KCTD8: variants seen among roughly 807,000 people sequenced by gnomAD.
KCTD8 encodes the protein BTB/POZ domain-containing protein KCTD8.
In KCTD8, 27 loss-of-function variants were observed where a neutral mutation model predicts 31.5. That is an observed-to-expected ratio of 0.86 (90% CI 0.63 to 1.18). The LOEUF is 1.18. Among genes scored for constraint, KCTD8 ranks in the 50% most tolerant of loss-of-function variants. KCTD8 has a pLI of 0.00. For missense variants in KCTD8, 658 were observed against 647.7 expected (o/e 1.02, Z -0.17); for synonymous variants, 290 against 280.0 (o/e 1.04, Z -0.36).
At chr4:44,383,720 A>G (rs549703066) in intron 1 of KCTD8, among the ~76,000 whole-genome samples, 8 of 152,160 alleles carry the variant, frequency 5.3e-5, no homozygotes, top group African/African-American at 1.9e-4. Context: ...AACTACTGGA[A>G]AAAAACACAC....
At chr4:44,198,104 G>C (rs1197893758) in intron 1 of KCTD8, among the ~76,000 whole-genome samples, 2 of 151,870 alleles carry the variant, frequency 1.3e-5, no homozygotes, top group Admixed American at 6.6e-5. Context: ...CAAAAGTAAA[G>C]AAAAATGAAT....
intron 1 of KCTD8, among the ~76,000 whole-genome samples, chr4:44,440,019 C>A (rs975544551): frequency 6.6e-6 from 1 of 151,632 alleles, no homozygotes; most frequent in African/African-American, 2.4e-5. Flanking sequence ...GCAACCTCTG[C>A]CTCCTGGGTT....
intron 1 of KCTD8, among the ~76,000 whole-genome samples, chr4:44,234,050 AC>A (rs1237124987): frequency 6.6e-6 from 1 of 152,206 alleles, no homozygotes; most frequent in African/African-American, 2.4e-5. Flanking sequence ...ACAATTATGC[AC>A]AGCCCTTATC....
intron 1 of KCTD8, among the ~76,000 whole-genome samples, chr4:44,259,785 G>A (rs1716107457): frequency 6.6e-6 from 1 of 151,820 alleles, no homozygotes; most frequent in Non-Finnish European, 1.5e-5. Context: ...GTGTTGATGT[G>A]AGTGAGCAAA....
At chr4:44,424,579 C>G (rs1157657381) in intron 1 of KCTD8, among the ~76,000 whole-genome samples, 1 of 152,028 alleles carries the variant, frequency 6.6e-6, no homozygotes, top group Non-Finnish European at 1.5e-5. Context: ...AGGTTTTTCT[C>G]TCTATAAGTC....
intron 1 of KCTD8, among the ~76,000 whole-genome samples, chr4:44,271,613 C>T (rs1716605424): frequency 1.3e-5 from 2 of 152,148 alleles, no homozygotes; most frequent in African/African-American, 4.8e-5. Context: ...GGGCAAGGAA[C>T]ACCTGGCCCA....
At chr4:44,279,956 T>C (rs1716858988) in intron 1 of KCTD8, among the ~76,000 whole-genome samples, 1 of 152,072 alleles carries the variant, frequency 6.6e-6, no homozygotes, top group Admixed American at 6.6e-5. Context: ...AACAAAAATG[T>C]TTACTTTAGT....
intron 1 of KCTD8, among the ~76,000 whole-genome samples, chr4:44,400,117 C>T (rs1192180377): frequency 6.6e-6 from 1 of 152,140 alleles, no homozygotes; most frequent in East Asian, 1.9e-4. Flanking sequence ...CACAAATTTG[C>T]ATTATTTCAT....
chr4:44,303,259 T>C (rs1717687136), intron 1 of KCTD8, among the ~76,000 whole-genome samples: 1 of 152,136 alleles, frequency 6.6e-6, no homozygotes, highest in Admixed American at 6.5e-5. Context: ...GGATTCCCTC[T>C]TTTTCTATTG....
intron 1 of KCTD8, among the ~76,000 whole-genome samples, chr4:44,346,036 T>C (rs1376970597): frequency 6.6e-6 from 1 of 152,194 alleles, no homozygotes; most frequent in Non-Finnish European, 1.5e-5. Context: ...TATATGGTTA[T>C]GCTGTAATTT....
intron 1 of KCTD8, among the ~76,000 whole-genome samples, chr4:44,426,901 T>C (rs949047837): frequency 1.3e-5 from 2 of 151,754 alleles, no homozygotes; most frequent in Admixed American, 6.6e-5. Context: ...ATTATGAATA[T>C]ATGTGCAAAT....
intron 1 of KCTD8, among the ~76,000 whole-genome samples, chr4:44,316,947 C>T: frequency 6.6e-6 from 1 of 151,104 alleles, no homozygotes; most frequent in Admixed American, 6.6e-5. Context: ...CACTGCACTC[C>T]AGCCTGGGCA....
rs1713165278 is a variant in KCTD8 at position 44,175,039 on chromosome 4, G to T, written c.1173C>A (p.Arg391=). ...AHQPNTLTLD[R]PSKKAPVQWI... ...ATTGTACAGGTGCTTTTTTAGAGGG[G>T]CGATCCAATGTTAAAGTGTTAGGTT... Residue 391 remains arginine, a synonymous_variant, in exon 2 of 2, where the codon CGC becomes CGA. Transcript: ENST00000360029. 1 of 1,614,008 alleles carries T rather than the reference G, an allele frequency of 6.2e-7. No individual in the cohort carries two copies.
At chr4:44,347,907 C>T (rs372114113) in intron 1 of KCTD8, among the ~76,000 whole-genome samples, 3 of 151,930 alleles carry the variant, frequency 2.0e-5, no homozygotes, top group East Asian at 1.9e-4. Context: ...CATTATTATC[C>T]CTGTAGGGCA....
At chr4:44,291,823 A>C (rs1717283489) in intron 1 of KCTD8, among the ~76,000 whole-genome samples, 2 of 152,246 alleles carry the variant, frequency 1.3e-5, no homozygotes, top group South Asian at 4.1e-4. Flanking sequence ...AAGAACAAGA[A>C]CAGACATTTC....
At chr4:44,352,725 A>G (rs1009553200) in intron 1 of KCTD8, among the ~76,000 whole-genome samples, 3 of 151,878 alleles carry the variant, frequency 2.0e-5, no homozygotes, top group Non-Finnish European at 4.4e-5. Flanking sequence ...ATCTATGTAT[A>G]TTCCTATCTA....
chr4:44,269,350 A>C (rs1040619291), intron 1 of KCTD8, among the ~76,000 whole-genome samples: 1 of 151,986 alleles, frequency 6.6e-6, no homozygotes, highest in African/African-American at 2.4e-5. Flanking sequence ...TAGAAAGCTG[A>C]AACTGGATCC....
chr4:44,272,426 A>G (rs74378539), intron 1 of KCTD8, among the ~76,000 whole-genome samples: 2,472 of 152,144 alleles, frequency 0.016, 58 homozygotes, highest in African/African-American at 0.056. Context: ...AGTAATATAC[A>G]ATAAAATTCA....
intron 1 of KCTD8, among the ~76,000 whole-genome samples, chr4:44,267,562 A>T (rs1298205027): frequency 6.6e-6 from 1 of 152,184 alleles, no homozygotes; most frequent in Non-Finnish European, 1.5e-5. Context: ...AACTGAAGGA[A>T]ATAGAGACAA....
Sources: allele counts gnomAD v4.1 joint callset (sites outside exome capture counted in the v4.1 genomes callset), GRCh38; gene constraint gnomAD v4.1.1; transcripts MANE v1.5; gene names NCBI Gene and HGNC (gene_info 2026-07-23, HGNC 2026-07-21).